The following FZD6 variants were observed in gnomAD, a reference collection of about 807,000 sequenced individuals.
FZD6 encodes frizzled class receptor 6.
FZD6 carries 49 observed loss-of-function variants against 61.4 expected under a neutral mutation model. The ratio of observed to expected loss-of-function variants is 0.80; its 90% CI spans 0.63 to 1.01. The LOEUF is 1.01. Among genes scored for constraint, FZD6 ranks in the 50% least tolerant of loss-of-function variants. The pLI, the probability that FZD6 is intolerant of heterozygous loss-of-function variation, is 0.00. For missense variants in FZD6, 724 were observed against 848.2 expected (o/e 0.85, Z 1.82); for synonymous variants, 265 against 292.2 (o/e 0.91, Z 0.95).
At chr8:103,307,457 A>G (rs1387508852) in intron 2 of FZD6, among the ~76,000 whole-genome samples, 2 of 152,228 alleles carry the variant, frequency 1.3e-5, no homozygotes, top group Non-Finnish European at 2.9e-5. Context: ...AAACAGACCT[A>G]TATGCCCTCA....
intron 5 of FZD6, among the ~76,000 whole-genome samples, chr8:103,329,013 T>TTTTTTTTATATATATATA (rs143400765): frequency 8.7e-6 from 1 of 115,178 alleles, no homozygotes; most frequent in African/African-American, 3.0e-5. Flanking sequence ...CATTTTAGTT[T>TTTTTTTTATATATATATA]TATATATATA....
intron 2 of FZD6, among the ~76,000 whole-genome samples, chr8:103,309,822 A>AT (rs1027792459): frequency 2.6e-5 from 4 of 152,172 alleles, no homozygotes; most frequent in African/African-American, 9.6e-5. Flanking sequence ...CCATGTCAGT[A>AT]TGTCTTAGCC....
intron 4 of FZD6, among the ~76,000 whole-genome samples, chr8:103,327,089 G>A (rs827549): frequency 0.95 from 144,070 of 152,354 alleles, 68,188 homozygotes; most frequent in East Asian, 1. Context: ...GCAATTTCGC[G>A]GTATGTACAG....
In FZD6 at chr8:103,318,754, G is replaced by T; in HGVS notation, c.342G>T (p.Gly114=). ...SDCKKLIDTF[G]IRWPEELECD... ...GCAAAAAATTAATTGACACTTTTGG[G>T]ATCCGATGGCCTGAGGAGCTTGAAT... The change falls in exon 3 of 7, where the codon GGG becomes GGT. Residue 114 remains glycine (G), a synonymous_variant. Coordinates refer to ENST00000358755, the MANE Select transcript of FZD6 (RefSeq NM_003506.4). The T allele has an allele frequency of 1.2e-6, 2 of 1,610,644 alleles. No homozygotes were observed. The highest frequency in any genetic ancestry group is 1.7e-6 in the Non-Finnish European group (2 of 1,176,960).
chr8:103,330,126 T>C (rs1815081487), intron 6 of FZD6, 61 bp downstream of exon 6: 2 of 1,398,674 alleles, frequency 1.4e-6, no homozygotes, highest in South Asian at 1.2e-5. Flanking sequence ...ACATTTTTTA[T>C]TAAAGCATAA....
chr8:103,322,842 A>T (rs1814830427), intron 3 of FZD6, among the ~76,000 whole-genome samples: 1 of 152,204 alleles, frequency 6.6e-6, no homozygotes. Context: ...CCTCCCATAG[A>T]AACTCTTACA....
intron 2 of FZD6, among the ~76,000 whole-genome samples, chr8:103,305,676 T>C (rs571181918): frequency 6.6e-6 from 1 of 152,356 alleles, no homozygotes; most frequent in African/African-American, 2.4e-5. Context: ...TGAGAAGTGT[T>C]CCAAGCCAGT....
At chr8:103,319,759 G>T (rs867314207) in intron 3 of FZD6, among the ~76,000 whole-genome samples, 1 of 152,206 alleles carries the variant, frequency 6.6e-6, no homozygotes, top group Non-Finnish European at 1.5e-5. Flanking sequence ...CAGAGGACAT[G>T]TCAGGTGCTG....
chr8:103,327,931 T>C (rs1783263737), intron 4 of FZD6, among the ~76,000 whole-genome samples: 1 of 152,174 alleles, frequency 6.6e-6, no homozygotes, highest in East Asian at 1.9e-4. Context: ...TGGGGGAAAA[T>C]AGGTACATAT....
At chr8:103,310,242 C>G (rs990275797) in intron 2 of FZD6, among the ~76,000 whole-genome samples, 5 of 152,100 alleles carry the variant, frequency 3.3e-5, no homozygotes, top group African/African-American at 1.2e-4. Flanking sequence ...ACTCCTTGAG[C>G]CTTAAGTCCT....
intron 3 of FZD6, among the ~76,000 whole-genome samples, chr8:103,319,397 T>A (rs1814718997): frequency 6.6e-6 from 1 of 152,184 alleles, no homozygotes; most frequent in African/African-American, 2.4e-5. Flanking sequence ...CCATCTTTCA[T>A]ATTTTTATGC....
rs1339648182 is a variant in FZD6 at position 103,332,309 on chromosome 8, T to C, written c.*800T>C. On this transcript the variant is annotated 3_prime_UTR_variant, in exon 7 of 7. Coordinates refer to ENST00000358755, the MANE Select transcript of FZD6 (RefSeq NM_003506.4). ...AGACAAAATGTTAGTCTTTTGTATATTAGGCCAAGTGCAATTGACTTCCCT... is the reference window on the plus strand; with the variant it reads ...AGACAAAATGTTAGTCTTTTGTATACTAGGCCAAGTGCAATTGACTTCCCT... 1.3e-5 allele frequency: 2 copies of C among 152,214 alleles called. No individual in the cohort carries two copies. The highest frequency in any genetic ancestry group is 2.9e-5 in the Non-Finnish European group (2 of 68,004). 9.4% of individuals were successfully genotyped at this position (152,214 alleles called of 1,614,324 possible). A position where few individuals can be genotyped will look rare whatever the true frequency, so the allele number is the denominator to read the frequency against.
intron 3 of FZD6, among the ~76,000 whole-genome samples, chr8:103,320,617 A>AT (rs1290002726): frequency 1.4e-4 from 21 of 151,982 alleles, no homozygotes; most frequent in African/African-American, 4.4e-4. Flanking sequence ...CATAATGAGG[A>AT]TTTTTTAAAA....
rs566365225 is a variant in FZD6 at position 103,326,466 on chromosome 8, T to C, written c.1392+968T>C. Among the ~76,000 whole-genome samples the C allele has an allele frequency of 5.9e-5, 9 of 152,096 alleles. No homozygotes were observed. The South Asian group carries it at 1.9e-3, about 32-fold the overall frequency. ...AGTTTCCTCAGTCTTTTTGGCAAGGTTGGGGAGAGGAAACTATTACATATT... is the reference window on the plus strand; with the variant it reads ...AGTTTCCTCAGTCTTTTTGGCAAGGCTGGGGAGAGGAAACTATTACATATT... On this transcript the variant is annotated intron_variant, in intron 4 of 6. Coordinates refer to ENST00000358755, the MANE Select transcript of FZD6 (RefSeq NM_003506.4).
chr8:103,303,855 C>G (rs1318793705), intron 2 of FZD6, among the ~76,000 whole-genome samples: 1 of 151,736 alleles, frequency 6.6e-6, no homozygotes, highest in African/African-American at 2.4e-5. Context: ...TTAACCATTT[C>G]TAGTTATTTA....
intron 4 of FZD6, among the ~76,000 whole-genome samples, chr8:103,326,103 G>C (rs1265882808): frequency 1.3e-5 from 2 of 152,110 alleles, no homozygotes; most frequent in Admixed American, 1.3e-4. Context: ...AAGCATTTTA[G>C]TTGAAGTTTT....
intron 2 of FZD6, among the ~76,000 whole-genome samples, chr8:103,310,261 T>G (rs1814455963): frequency 6.6e-6 from 1 of 151,864 alleles, no homozygotes; most frequent in Non-Finnish European, 1.5e-5. Flanking sequence ...CTTTTTGTCC[T>G]TTTGTGTGTG....
At chr8:103,327,528 G>A (rs941657466) in intron 4 of FZD6, among the ~76,000 whole-genome samples, 3 of 152,082 alleles carry the variant, frequency 2.0e-5, no homozygotes, top group East Asian at 1.9e-4. Flanking sequence ...CGCGGGAGGC[G>A]GAGGTTGTAG....
Position 103,331,553 on chromosome 8 carries a change from T to C in FZD6, c.*44T>C, listed in dbSNP as rs1390776903. 1 of 1,286,318 alleles carries C rather than the reference T, an allele frequency of 7.8e-7. No homozygotes were observed. The highest frequency in any genetic ancestry group is 1.1e-6 in the Non-Finnish European group (1 of 883,980). 79.7% of individuals were successfully genotyped at this position (1,286,318 alleles called of 1,614,324 possible). ...ACTCAGAAGCAAATTTGTGTTACAC[T>C]GGAAGTGACCTATGCACTGTTTTGT... On this transcript the variant is annotated 3_prime_UTR_variant, in exon 7 of 7. Transcript: ENST00000358755.
Sources: allele counts gnomAD v4.1 joint callset (sites outside exome capture counted in the v4.1 genomes callset), GRCh38; gene constraint gnomAD v4.1.1; transcripts MANE v1.5; gene names NCBI Gene and HGNC (gene_info 2026-07-23, HGNC 2026-07-21).